ROR1: variants seen among roughly 807,000 people sequenced by gnomAD.
The protein encoded by ROR1 is inactive tyrosine-protein kinase transmembrane receptor ROR1.
Under a neutral mutation model 78.8 loss-of-function variants are expected in ROR1, and 19 were observed. The ratio of observed to expected loss-of-function variants is 0.24; its 90% CI spans 0.17 to 0.35. The LOEUF (loss-of-function observed/expected upper bound fraction) is 0.35, where lower values mean the gene tolerates loss of function less well. ROR1 is among the 10% of genes least tolerant of loss of function. The pLI is 1.00. For missense variants in ROR1, 917 were observed against 1,177.8 expected, an observed-to-expected ratio of 0.78 and a Z score of 3.24; for synonymous variants, 386 against 433.6, an observed-to-expected ratio of 0.89 and a Z score of 1.36.
chr1:64,043,682 A>T (rs1010023798), intron 2 of ROR1, among the ~76,000 whole-genome samples: 2 of 152,168 alleles, frequency 1.3e-5, no homozygotes, highest in Non-Finnish European at 1.5e-5. Flanking sequence ...GAAAGACTAC[A>T]GGTTGGATTG....
rs71056017 is a variant in ROR1 at position 64,014,773 on chromosome 1, T to TATATATACAC, written c.163+5398_163+5399insTATATACACA. Among the ~76,000 whole-genome samples, 14 of 46,992 alleles carry TATATATACAC rather than the reference T, an allele frequency of 3.0e-4. 1 individual carries two copies. The highest frequency in any genetic ancestry group is 1.4e-3 in the South Asian group (1 of 700). 30.8% of individuals were successfully genotyped at this position (46,992 alleles called of 152,430 possible). A position where few individuals can be genotyped will look rare whatever the true frequency, so the allele number is the denominator to read the frequency against. On this transcript the variant is annotated intron_variant, in intron 2 of 8. Transcript: ENST00000371079. ...ATATATATATATATATATATATATA[T>TATATATACAC]ACACATTTTGTCCTGGTTTGCCTTT... is the stretch of plus-strand genomic sequence containing the variant.
intron 1 of ROR1, among the ~76,000 whole-genome samples, chr1:63,990,061 C>G (rs1272320246): frequency 1.3e-5 from 2 of 152,202 alleles, no homozygotes; most frequent in African/African-American, 4.8e-5. Context: ...CAAGGACTAC[C>G]TGTTCCCGTG....
At chr1:63,824,026 G>A (rs925754995) in intron 1 of ROR1, among the ~76,000 whole-genome samples, 2 of 152,160 alleles carry the variant, frequency 1.3e-5, no homozygotes, top group Non-Finnish European at 2.9e-5. Flanking sequence ...GGAATTACAG[G>A]CGTGAGCTAC....
At chr1:64,020,491 T>G (rs544219113) in intron 2 of ROR1, among the ~76,000 whole-genome samples, 2 of 152,178 alleles carry the variant, frequency 1.3e-5, no homozygotes, top group South Asian at 4.2e-4. Context: ...TTAGACAAGG[T>G]TTTTCACATA....
chr1:64,017,115 C>T (rs971260195), intron 2 of ROR1, among the ~76,000 whole-genome samples: 6 of 151,956 alleles, frequency 3.9e-5, no homozygotes, highest in Non-Finnish European at 7.4e-5. Flanking sequence ...CCATGTTTCC[C>T]AGGCTTGTCT....
rs192553015 is a variant in ROR1 at position 64,048,484 on chromosome 1, C to T, written c.164-1207C>T. 4.4e-3 allele frequency among the ~76,000 whole-genome samples: 675 copies of T among 152,208 alleles called. 4 individuals are homozygous for T. Among genetic ancestry groups the T allele is most frequent in the Non-Finnish European group, 7.1e-3 (481 of 68,024 alleles). ...CTGAACAAGTTACCCCAGACTTGGACCTACGGAAGGACATAGGACAATGAG... is the reference window on the plus strand; with the variant it reads ...CTGAACAAGTTACCCCAGACTTGGATCTACGGAAGGACATAGGACAATGAG... On this transcript the variant is annotated intron_variant, in intron 2 of 8. Transcript: ENST00000371079.
intron 2 of ROR1, among the ~76,000 whole-genome samples, chr1:64,046,053 G>T (rs1646780390): frequency 6.6e-6 from 1 of 152,180 alleles, no homozygotes; most frequent in South Asian, 2.1e-4. Flanking sequence ...GCTTTGTCTG[G>T]CATTCAAGCT....
intron 1 of ROR1, among the ~76,000 whole-genome samples, chr1:63,907,820 C>G (rs958445251): frequency 6.6e-6 from 1 of 152,052 alleles, no homozygotes; most frequent in African/African-American, 2.4e-5. Flanking sequence ...GTGACTTATC[C>G]CAGTGCCCAG....
intron 1 of ROR1, among the ~76,000 whole-genome samples, chr1:63,993,028 G>T (rs561133937): frequency 6.6e-6 from 1 of 152,296 alleles, no homozygotes; most frequent in South Asian, 2.1e-4. Context: ...AGGATTTAAA[G>T]ATCAGTACTC....
At chr1:63,981,593 C>A (rs557231904) in intron 1 of ROR1, among the ~76,000 whole-genome samples, 15 of 152,102 alleles carry the variant, frequency 9.9e-5, no homozygotes, top group Admixed American at 2.6e-4. Context: ...TGCCAGACTG[C>A]AGTGAGTCAA....
At chr1:63,862,412 A>T (rs2100346945) in intron 1 of ROR1, among the ~76,000 whole-genome samples, 1 of 151,884 alleles carries the variant, frequency 6.6e-6, no homozygotes, top group Middle Eastern at 3.4e-3. Flanking sequence ...AAAAAAAAAA[A>T]AAGAAATACA....
At chr1:63,828,954 C>T (rs1268914919) in intron 1 of ROR1, among the ~76,000 whole-genome samples, 3 of 152,170 alleles carry the variant, frequency 2.0e-5, no homozygotes, top group African/African-American at 7.2e-5. Flanking sequence ...TATCTCCTTC[C>T]TTTCTTTCTT....
At chr1:63,984,352 A>G (rs1271420264) in intron 1 of ROR1, among the ~76,000 whole-genome samples, 1 of 152,128 alleles carries the variant, frequency 6.6e-6, no homozygotes, top group Non-Finnish European at 1.5e-5. Flanking sequence ...CCCTCCCCCA[A>G]TAAAATATTT....
At chr1:63,873,188 A>G (rs1413038958) in intron 1 of ROR1, among the ~76,000 whole-genome samples, 1 of 152,126 alleles carries the variant, frequency 6.6e-6, no homozygotes, top group Non-Finnish European at 1.5e-5. Flanking sequence ...TGGAGTCATC[A>G]AGGCTACATG....
At chr1:64,018,432 C>T (rs1388346776) in intron 2 of ROR1, among the ~76,000 whole-genome samples, 1 of 152,198 alleles carries the variant, frequency 6.6e-6, no homozygotes, top group Non-Finnish European at 1.5e-5. Flanking sequence ...CCAGCTCACA[C>T]TTCACCACTT....
intron 2 of ROR1, among the ~76,000 whole-genome samples, chr1:64,033,297 T>A (rs1256832876): frequency 6.6e-6 from 1 of 152,114 alleles, no homozygotes; most frequent in Non-Finnish European, 1.5e-5. Context: ...TCAAAATAAT[T>A]GCATATACGT....
At chr1:64,099,445 G>A (rs1307271412) in intron 4 of ROR1, among the ~76,000 whole-genome samples, 1 of 152,140 alleles carries the variant, frequency 6.6e-6, no homozygotes, top group East Asian at 1.9e-4. Flanking sequence ...ACGGTGGTGT[G>A]AGAAGGATAA....
intron 1 of ROR1, among the ~76,000 whole-genome samples, chr1:63,917,879 G>A (rs558077425): frequency 6.6e-6 from 1 of 152,280 alleles, no homozygotes; most frequent in South Asian, 2.1e-4. Context: ...TGATGTGGGT[G>A]AGCAAAATGG....
chr1:63,901,973 A>G (rs929186148), intron 1 of ROR1, among the ~76,000 whole-genome samples: 3 of 152,238 alleles, frequency 2.0e-5, no homozygotes, highest in Non-Finnish European at 4.4e-5. Context: ...ACTGCAATAC[A>G]GTATAGTGGA....
Sources: gnomAD v4.1 joint callset for allele counts (sites outside exome capture counted in the v4.1 genomes callset) on GRCh38, gnomAD v4.1.1 for gene constraint, MANE v1.5 for transcripts, NCBI Gene and HGNC (gene_info 2026-07-23, HGNC 2026-07-21) for gene names.